RGS6: variants seen among roughly 807,000 people sequenced by gnomAD.
RGS6 encodes the protein regulator of G protein signaling 6, also known as regulator of G-protein signaling 6.
RGS6 carries 30 observed loss-of-function variants against 78.5 expected under a neutral mutation model. The observed-to-expected ratio is 0.38, with a 90% confidence interval of 0.29 to 0.52. The LOEUF is 0.52. Among genes scored for constraint, RGS6 ranks in the 20% least tolerant of loss-of-function variants. RGS6 has a pLI of 0.85. For synonymous variants in RGS6, 206 were observed against 206.0 expected, an observed-to-expected ratio of 1.00 and a Z score of 0.00; for missense variants, 495 against 609.7, an observed-to-expected ratio of 0.81 and a Z score of 1.98.
intron 2 of RGS6, among the ~76,000 whole-genome samples, chr14:72,286,042 T>C (rs944749170): frequency 1.1e-4 from 16 of 152,212 alleles, no homozygotes; most frequent in Non-Finnish European, 2.2e-4. Context: ...CTATTTTTGC[T>C]TTTGTTGCCT....
At chr14:72,372,416 T>C (rs944099925) in intron 3 of RGS6, among the ~76,000 whole-genome samples, 2 of 152,224 alleles carry the variant, frequency 1.3e-5, no homozygotes, top group South Asian at 2.1e-4. Context: ...AAGGAAATCA[T>C]TGGCTCAGGA....
chr14:72,535,874 A>G (rs1242441472), intron 15 of RGS6, among the ~76,000 whole-genome samples: 1 of 152,212 alleles, frequency 6.6e-6, no homozygotes, highest in East Asian at 1.9e-4. Flanking sequence ...GTGTAAGAAC[A>G]GTTTGTTCCT....
chr14:72,057,126 C>T (rs577994464), intron 2 of RGS6, among the ~76,000 whole-genome samples: 9 of 151,772 alleles, frequency 5.9e-5, no homozygotes, highest in Non-Finnish European at 8.8e-5. Context: ...CCAGCCTAGG[C>T]AACATGGTGA....
rs541762690 is a variant in RGS6 at position 72,325,439 on chromosome 14, C to A, written c.85-26656C>A. Among the ~76,000 whole-genome samples, 4 of 152,216 alleles carry A rather than the reference C, an allele frequency of 2.6e-5. No homozygotes were observed. The East Asian group carries it at 7.7e-4, about 29-fold the overall frequency. ...ATGAAGTCCTTGCCCATGCCTATGT[C>A]CTGAATGGTATTGCCTAGGTTTTCT... On this transcript the variant is annotated intron_variant, in intron 2 of 17. Transcript: ENST00000553525.
rs183225196 is a variant in RGS6 at position 72,240,042 on chromosome 14, G to A, written c.85-112053G>A. 5.5e-3 allele frequency among the ~76,000 whole-genome samples: 830 copies of A among 152,140 alleles called. 4 individuals are homozygous for A. Among genetic ancestry groups the A allele is most frequent in the African/African-American group, 0.019 (805 of 41,494 alleles). ...AACATGAATCTACACACACACACAC[G>A]CTTAAAGCTCACTATGGATGGCGGA... On this transcript the variant is annotated intron_variant, in intron 2 of 17. Coordinates refer to ENST00000553525, the MANE Select transcript of RGS6 (RefSeq NM_001204424.2).
At chr14:71,924,918 A>G in the RGS6 span, among the ~76,000 whole-genome samples, 1 of 152,160 alleles carries the variant, frequency 6.6e-6, no homozygotes, top group Non-Finnish European at 1.5e-5. Flanking sequence ...CATGGATTTT[A>G]TTTGTCTTCG....
At chr14:72,326,279 C>T (rs552200389) in intron 2 of RGS6, among the ~76,000 whole-genome samples, 1 of 152,242 alleles carries the variant, frequency 6.6e-6, no homozygotes, top group East Asian at 1.9e-4. Flanking sequence ...GAGTATGTTA[C>T]CATTATTGTA....
intron 2 of RGS6, among the ~76,000 whole-genome samples, chr14:71,984,454 G>T (rs1360383240): frequency 7.2e-6 from 1 of 138,450 alleles, no homozygotes; most frequent in African/African-American, 2.7e-5. Context: ...AGACCAGCCC[G>T]TGCAATATAG....
At chr14:72,145,392 A>G (rs113538213) in intron 2 of RGS6, among the ~76,000 whole-genome samples, 7,070 of 152,298 alleles carry the variant, frequency 0.046, 186 homozygotes, top group East Asian at 0.084. Flanking sequence ...CCTACGCCCA[A>G]GAATGAACAA....
chr14:72,320,624 G>T (rs1303038929), intron 2 of RGS6, among the ~76,000 whole-genome samples: 1 of 151,028 alleles, frequency 6.6e-6, no homozygotes, highest in African/African-American at 2.4e-5. Context: ...AACTATTAAA[G>T]ACTTTATCTA....
intron 3 of RGS6, among the ~76,000 whole-genome samples, chr14:72,383,898 A>C (rs543309341): frequency 6.6e-6 from 1 of 152,378 alleles, no homozygotes; most frequent in East Asian, 1.9e-4. Context: ...CAGTGTTAGC[A>C]TGAAAATATT....
At chr14:72,019,745 T>A (rs2153265130) in intron 2 of RGS6, among the ~76,000 whole-genome samples, 1 of 152,302 alleles carries the variant, frequency 6.6e-6, no homozygotes, top group African/African-American at 2.4e-5. Flanking sequence ...GGTCATTCTG[T>A]TTTTTTGATT....
intron 2 of RGS6, among the ~76,000 whole-genome samples, chr14:72,202,869 G>A (rs2041871862): frequency 6.6e-6 from 1 of 151,676 alleles, no homozygotes; most frequent in Admixed American, 6.6e-5. Flanking sequence ...CCTGTTTTTT[G>A]TTTTGTTTTG....
chr14:72,277,551 A>G (rs1006089607), intron 2 of RGS6, among the ~76,000 whole-genome samples: 13 of 151,960 alleles, frequency 8.6e-5, no homozygotes, highest in Non-Finnish European at 1.6e-4. Context: ...GAGCCGAGAT[A>G]GCACCATTGC....
chr14:72,413,697 G>T (rs376249271), intron 3 of RGS6, among the ~76,000 whole-genome samples: 1 of 152,164 alleles, frequency 6.6e-6, no homozygotes, highest in South Asian at 2.1e-4. Flanking sequence ...TTTTGCAGTG[G>T]CTGGTACTGC....
chr14:72,486,682 CA>C (rs758709607), intron 12 of RGS6, among the ~76,000 whole-genome samples: 74 of 152,244 alleles, frequency 4.9e-4, no homozygotes, highest in Admixed American at 8.5e-4. Flanking sequence ...GGCACAAACC[CA>C]AAAGCCTTTT....
chr14:72,029,188 G>C (rs1321333643), intron 2 of RGS6, among the ~76,000 whole-genome samples: 1 of 152,194 alleles, frequency 6.6e-6, no homozygotes, highest in African/African-American at 2.4e-5. Flanking sequence ...AGCTACCTGG[G>C]TTCTATGTTG....
In RGS6 at chr14:72,388,352, T is replaced by C. The variant is rs58268228; in HGVS notation, c.184+36158T>C. Among the ~76,000 whole-genome samples, 703 of 152,328 alleles carry C rather than the reference T, an allele frequency of 4.6e-3. 6 individuals are homozygous for C. The highest frequency in any genetic ancestry group is 0.016 in the African/African-American group (680 of 41,574). On this transcript the variant is annotated intron_variant, in intron 3 of 17. Coordinates refer to ENST00000553525, the MANE Select transcript of RGS6 (RefSeq NM_001204424.2). The stretch of plus-strand genomic sequence containing the variant: ...CCCAAATATGTGCTGATGAGATCAA[T>C]GGACTGTGCTACTTATTGGTCCCAT...
At chr14:71,968,598 A>G (rs2093645688) in intron 2 of RGS6, among the ~76,000 whole-genome samples, 2 of 152,188 alleles carry the variant, frequency 1.3e-5, no homozygotes, top group Admixed American at 1.3e-4. Flanking sequence ...GCTCCTCAGC[A>G]CTTTCCCATG....
Sources: gnomAD v4.1 joint callset for allele counts (sites outside exome capture counted in the v4.1 genomes callset) on GRCh38, gnomAD v4.1.1 for gene constraint, MANE v1.5 for transcripts, NCBI Gene and HGNC (gene_info 2026-07-23, HGNC 2026-07-21) for gene names.